Variants in ANKRD17 observed in about 807,000 individuals in gnomAD.
ANKRD17 encodes ankyrin repeat domain-containing protein 17.
A neutral mutation model predicts 229.7 loss-of-function variants in ANKRD17; 19 were observed. That is an observed-to-expected ratio of 0.08 (90% CI 0.06 to 0.12). ANKRD17 has a LOEUF of 0.12. ANKRD17 is among the 10% of genes least tolerant of loss of function. ANKRD17 has a pLI of 1.00. For missense variants in ANKRD17, 2,176 were observed against 3,176.8 expected (o/e 0.68, Z 7.57); for synonymous variants, 1,112 against 1,146.1 (o/e 0.97, Z 0.60).
intron 24 of ANKRD17, among the ~76,000 whole-genome samples, chr4:73,111,778 T>C (rs925561461): frequency 1.3e-5 from 2 of 152,184 alleles, no homozygotes; most frequent in African/African-American, 4.8e-5. Context: ...GTTTGCATGA[T>C]TCTGTTTTTT....
intron 1 of ANKRD17, among the ~76,000 whole-genome samples, chr4:73,182,947 C>T (rs781602959): frequency 3.9e-5 from 6 of 152,044 alleles, no homozygotes; most frequent in African/African-American, 9.7e-5. Flanking sequence ...CCAGACATTG[C>T]TAAATGTTCC....
chr4:73,167,467 T>A (rs950452578), intron 2 of ANKRD17, among the ~76,000 whole-genome samples: 2 of 152,220 alleles, frequency 1.3e-5, no homozygotes, highest in South Asian at 4.1e-4. Flanking sequence ...ATGTAAAATC[T>A]ACTTCCGTGT....
At chr4:73,165,358 C>T (rs1437857012) in intron 2 of ANKRD17, among the ~76,000 whole-genome samples, 1 of 152,114 alleles carries the variant, frequency 6.6e-6, no homozygotes, top group Non-Finnish European at 1.5e-5. Flanking sequence ...CTAGAAAGGC[C>T]CTGGACTAGG....
Position 73,077,059 on chromosome 4 carries a change from C to T in ANKRD17, c.7633G>A (p.Ala2545Thr). The T allele has an allele frequency of 6.2e-7, 1 of 1,611,314 alleles. No individual in the cohort carries two copies. Among genetic ancestry groups the T allele is most frequent in the Non-Finnish European group, 8.5e-7 (1 of 1,178,990 alleles). Residue 2545 changes from alanine (A) to threonine (T), a missense_variant, in exon 33 of 34, where the codon GCA (alanine) becomes ACA (threonine). By Grantham distance (58) the Ala-to-Thr change is moderately conservative (BLOSUM62 0). Transcript: ENST00000358602. ...VYGNAMIPPV[A>T]PIPDGAGGPI... is the part of the protein sequence containing the mutation. The stretch of plus-strand genomic sequence containing the variant: ...CCTCCAGCACCATCAGGGATAGGTG[C>T]TACTGGAGGAATCATTGCATTCCCA...
chr4:73,084,899 T>C (rs1721959714), intron 30 of ANKRD17, among the ~76,000 whole-genome samples: 1 of 151,966 alleles, frequency 6.6e-6, no homozygotes, highest in Admixed American at 6.5e-5. Flanking sequence ...AAATGATCCC[T>C]CAGGACAGGT....
intron 1 of ANKRD17, among the ~76,000 whole-genome samples, chr4:73,193,443 G>A (rs192905553): frequency 3.6e-4 from 55 of 152,268 alleles, no homozygotes; most frequent in African/African-American, 1.3e-3. Context: ...ACTTTTACGT[G>A]ACACCACTAT....
chr4:73,150,069 C>T (rs1275200585), intron 7 of ANKRD17, among the ~76,000 whole-genome samples: 1 of 152,062 alleles, frequency 6.6e-6, no homozygotes, highest in Admixed American at 6.6e-5. Context: ...TGTCACATTA[C>T]ACAATTTTAA....
chr4:73,128,158 A>C (rs1340258636), intron 16 of ANKRD17, among the ~76,000 whole-genome samples: 1 of 152,234 alleles, frequency 6.6e-6, no homozygotes, highest in Non-Finnish European at 1.5e-5. Context: ...ATTTCAGAGA[A>C]AAGGAGATAA....
intron 29 of ANKRD17, among the ~76,000 whole-genome samples, chr4:73,086,559 G>GA (rs530300943): frequency 1.5e-3 from 223 of 147,984 alleles, no homozygotes; most frequent in African/African-American, 5.3e-3. Flanking sequence ...TAAAAATACA[G>GA]AAAAAAAAGA....
chr4:73,080,991 G>A (rs749444325), intron 30 of ANKRD17, among the ~76,000 whole-genome samples: 5 of 152,218 alleles, frequency 3.3e-5, no homozygotes, highest in South Asian at 4.2e-4. Flanking sequence ...GCTGAGCTGC[G>A]CCATTTAAGA....
At chr4:73,134,582 T>C (rs1199568558) in intron 16 of ANKRD17, among the ~76,000 whole-genome samples, 1 of 151,954 alleles carries the variant, frequency 6.6e-6, no homozygotes, top group Non-Finnish European at 1.5e-5. Context: ...AACAGTGTCC[T>C]CCCCCCACTC....
At chr4:73,094,769 C>A (rs1723126881) in intron 27 of ANKRD17, among the ~76,000 whole-genome samples, 1 of 151,298 alleles carries the variant, frequency 6.6e-6, no homozygotes, top group Admixed American at 6.6e-5. Context: ...ACTGGTTGGG[C>A]ATCTAATCTA....
intron 1 of ANKRD17, among the ~76,000 whole-genome samples, chr4:73,209,172 C>G (rs1419924877): frequency 6.6e-6 from 1 of 152,148 alleles, no homozygotes; most frequent in Admixed American, 6.5e-5. Context: ...TGCCACTGCA[C>G]TCCAGTCTGG....
chr4:73,105,690 G>A (rs144592260), intron 24 of ANKRD17, among the ~76,000 whole-genome samples: 144 of 152,316 alleles, frequency 9.5e-4, no homozygotes, highest in African/African-American at 3.2e-3. Flanking sequence ...TAGTTTATTG[G>A]AGAAGGAGGT....
At position 73,098,851 on chromosome 4, in the gene ANKRD17, G is replaced by T. The variant is rs1723606493; in HGVS notation, c.4574-331C>A. 5 of 1,516,126 alleles carry T rather than the reference G, an allele frequency of 3.3e-6. No homozygotes were observed. The Admixed American group carries it at 8.5e-5, about 26-fold the overall frequency. The allele number at this position is 1,516,126 out of a possible 1,614,324, so 93.9% of individuals were successfully genotyped here. A position where few individuals can be genotyped will look rare whatever the true frequency, so the allele number is the denominator to read the frequency against. On this transcript the variant is annotated intron_variant, in intron 25 of 33. Transcript: ENST00000358602. ...GTGAGTCGAGCTTGAAGTCCAGCCA[G>T]CCCTTGGCCTCCAAGCAGGAAATGG...
intron 16 of ANKRD17, among the ~76,000 whole-genome samples, chr4:73,129,780 T>TGA (rs1225286926): frequency 7.1e-6 from 1 of 141,766 alleles, no homozygotes; most frequent in South Asian, 2.3e-4. Flanking sequence ...TTTTTTTTTT[T>TGA]GAGAGAGAGA....
At chr4:73,149,996 T>C (rs1730794450) in intron 7 of ANKRD17, among the ~76,000 whole-genome samples, 1 of 152,218 alleles carries the variant, frequency 6.6e-6, no homozygotes, top group Non-Finnish European at 1.5e-5. Flanking sequence ...TTTTTTTCCA[T>C]CTATATGTTA....
chr4:73,203,960 A>G (rs1198185948), intron 1 of ANKRD17, among the ~76,000 whole-genome samples: 2 of 152,154 alleles, frequency 1.3e-5, no homozygotes, highest in African/African-American at 4.8e-5. Flanking sequence ...TGGGGGGGAA[A>G]AAACCATCAT....
intron 2 of ANKRD17, among the ~76,000 whole-genome samples, chr4:73,175,298 T>C (rs1374821303): frequency 2.6e-5 from 4 of 152,188 alleles, no homozygotes; most frequent in South Asian, 4.1e-4. Flanking sequence ...TCAGATCTTG[T>C]GAGAACCCAT....
Sources: allele counts gnomAD v4.1 joint callset (sites outside exome capture counted in the v4.1 genomes callset), GRCh38; gene constraint gnomAD v4.1.1; transcripts MANE v1.5; gene names NCBI Gene and HGNC (gene_info 2026-07-23, HGNC 2026-07-21).